Variants in NPHP4 observed in about 807,000 individuals in gnomAD.
NPHP4 encodes the protein nephrocystin-4.
NPHP4 carries 151 observed loss-of-function variants against 155.8 expected under a neutral mutation model. The ratio of observed to expected loss-of-function variants is 0.97; its 90% confidence interval spans 0.85 to 1.11. The LOEUF (loss-of-function observed/expected upper bound fraction) is 1.11. Ranked by LOEUF, NPHP4 falls within the 50% of genes least tolerant of loss-of-function variation. NPHP4 has a pLI of 0.00. For synonymous variants in NPHP4, 845 were observed against 816.8 expected (o/e 1.03, Z -0.59); for missense variants, 1,956 against 1,925.7 (o/e 1.02, Z -0.29).
intron 22 of NPHP4, 70 bp from the exon 23 acceptor site, chr1:5,873,405 G>C: frequency 7.9e-7 from 1 of 1,259,390 alleles, no homozygotes; most frequent in Non-Finnish European, 1.2e-6. Context: ...TGTGCTTAGA[G>C]ACACCACTGC....
At chr1:5,981,005 T>C (rs1275454926) in intron 2 of NPHP4, among the ~76,000 whole-genome samples, 2 of 152,178 alleles carry the variant, frequency 1.3e-5, no homozygotes, top group Admixed American at 6.5e-5. Flanking sequence ...GGCTTTTCCA[T>C]GTTGACTGTC....
At chr1:5,879,405 C>A (rs1642973250) in intron 19 of NPHP4, 3 of 408,400 alleles carry the variant, frequency 7.3e-6, no homozygotes, top group South Asian at 5.7e-5. Context: ...TTTCACCAAA[C>A]CCAGGTCTTC....
chr1:5,957,584 T>C (rs1167147965), intron 6 of NPHP4, among the ~76,000 whole-genome samples: 1 of 139,974 alleles, frequency 7.1e-6, no homozygotes, highest in Non-Finnish European at 1.6e-5. Flanking sequence ...GGATATTTAA[T>C]TCAGCAGAAT....
At chr1:5,911,934 T>C (rs1482497411) in intron 11 of NPHP4, among the ~76,000 whole-genome samples, 1 of 151,918 alleles carries the variant, frequency 6.6e-6, no homozygotes, top group Admixed American at 6.6e-5. Context: ...CACGGTGGAG[T>C]CTGGGAAGCC....
Position 5,863,919 on chromosome 1 carries a change from GCT to G in NPHP4, c.4109_4110del (p.Glu1370AlafsTer26). On this transcript the variant is annotated frameshift_variant, in exon 29 of 30. Transcript: ENST00000378156. LOFTEE classifies it high-confidence loss of function. ...AAGGAGTCCTCTCTGAACCGCAGCA[GCT>G]CCGGGTGGTCGCTGTGCAGGTGGAA... ...RTFHLHSDHPELLRFREDSFQ... is the reference protein window; with the variant it reads ...RTFHLHSDHPXLLRFREDSFQ... 1 of 1,613,990 alleles carries G rather than the reference GCT, an allele frequency of 6.2e-7. No homozygotes were observed. The highest frequency in any genetic ancestry group is 8.5e-7 in the Non-Finnish European group (1 of 1,179,876).
In NPHP4 at chr1:5,927,742, C is replaced by T. The variant is rs1412516298; in HGVS notation, c.1348G>A (p.Gly450Ser). The T allele has an allele frequency of 1.2e-6, 2 of 1,613,414 alleles. No homozygotes were observed. The highest frequency in any genetic ancestry group is 1.7e-6 in the Non-Finnish European group (2 of 1,179,482). The change falls in exon 11 of 30, where the codon GGC becomes AGC. Residue 450 changes from glycine (G) to serine (S), a missense_variant. Coordinates refer to ENST00000378156, the MANE Select transcript of NPHP4 (RefSeq NM_015102.5). Reference sequence around the variant, plus strand: ...GGTGCATCCAGGTGTTCTTCTGAGCCCAGCGAGAACTGGAACCGGAGTGTA... The same window carrying T: ...GGTGCATCCAGGTGTTCTTCTGAGCTCAGCGAGAACTGGAACCGGAGTGTA... ...SGTLRFQFSL[G>S]SEEHLDAPTE...
At position 5,978,285 on chromosome 1, in the gene NPHP4, C is replaced by A. The variant is rs1184787946; in HGVS notation, c.264G>T (p.Arg88Ser). Residue 88 changes from arginine (R) to serine (S), a missense_variant, in exon 3 of 30, where the codon AGG becomes AGT. Coordinates refer to ENST00000378156, the MANE Select transcript of NPHP4 (RefSeq NM_015102.5). ...TVKPTKRPPS[R>S]IVFNEPLYFH... ...CAGGGCCCACCTCATTAAAGACGAT[C>A]CTGGACGGCGGTCTCTTCGTCGGCT... 6.2e-6 allele frequency: 10 copies of A among 1,607,420 alleles called. No homozygotes were observed. Among genetic ancestry groups the A allele is most frequent in the Non-Finnish European group, 7.6e-6 (9 of 1,177,298 alleles).
intron 1 of NPHP4, among the ~76,000 whole-genome samples, chr1:5,987,473 A>G (rs1323277605): frequency 6.6e-6 from 1 of 152,064 alleles, no homozygotes; most frequent in East Asian, 1.9e-4. Context: ...ATGGTGGGGC[A>G]GAGGCAGCAG....
intron 11 of NPHP4, among the ~76,000 whole-genome samples, chr1:5,913,550 C>T (rs1288509543): frequency 6.6e-6 from 1 of 152,242 alleles, no homozygotes; most frequent in Non-Finnish European, 1.5e-5. Flanking sequence ...TCAACTACAG[C>T]ACAGGCCTCA....
chr1:5,985,110 T>A (rs940604050), intron 2 of NPHP4, among the ~76,000 whole-genome samples: 2 of 152,230 alleles, frequency 1.3e-5, no homozygotes, highest in Non-Finnish European at 2.9e-5. Context: ...ATCCAAGGGC[T>A]TGGAATTGAA....
chr1:5,914,257 C>CAAAA (rs575438284), intron 11 of NPHP4, among the ~76,000 whole-genome samples: 1,919 of 47,276 alleles, frequency 0.041, 325 homozygotes, highest in East Asian at 0.086. Context: ...CTTATCTATA[C>CAAAA]AAAAAAAAAA....
At chr1:5,916,346 T>C (rs1196734387) in intron 11 of NPHP4, among the ~76,000 whole-genome samples, 1 of 152,168 alleles carries the variant, frequency 6.6e-6, no homozygotes, top group East Asian at 1.9e-4. Flanking sequence ...GTTGGTGAAA[T>C]ACTGAAGTAT....
intron 3 of NPHP4, among the ~76,000 whole-genome samples, chr1:5,974,223 T>C (rs1653107746): frequency 6.6e-6 from 1 of 152,202 alleles, no homozygotes; most frequent in African/African-American, 2.4e-5. Context: ...CCCAATCACC[T>C]GCATCCCTCT....
intron 2 of NPHP4, among the ~76,000 whole-genome samples, chr1:5,985,945 T>C (rs1359733961): frequency 6.6e-6 from 1 of 152,162 alleles, no homozygotes; most frequent in South Asian, 2.1e-4. Flanking sequence ...CTAACACAAA[T>C]CCTATTTTTA....
chr1:5,893,122 T>C lies in NPHP4; in HGVS notation c.2144-2094A>G, dbSNP rs565485971. ...GACAGAAAAAACAACTTTTCAAGTG[T>C]ATTTGGAACATTAATAAAAACGAAC... is the stretch of plus-strand genomic sequence containing the variant. On this transcript the variant is annotated intron_variant, in intron 16 of 29. Transcript: ENST00000378156. Among the ~76,000 whole-genome samples, 17 of 152,230 alleles carry C rather than the reference T, an allele frequency of 1.1e-4. No homozygotes were observed. In the South Asian group the frequency reaches 2.5e-3, roughly 22 times the overall value.
intron 2 of NPHP4, among the ~76,000 whole-genome samples, chr1:5,979,567 T>G (rs2102387155): frequency 6.6e-6 from 1 of 152,240 alleles, no homozygotes. Flanking sequence ...GAAAAGGGTC[T>G]CGTCTGTCAC....
intron 2 of NPHP4, 44 bp from the exon 3 acceptor site, chr1:5,978,457 T>C (rs1250381103): frequency 1.3e-6 from 2 of 1,573,574 alleles, no homozygotes; most frequent in African/African-American, 1.4e-5. Context: ...CTGAGCACCA[T>C]GAGCCAGGAG....
rs1647071594 is a variant in NPHP4, at chr1:5,945,967, A to C, written c.1119+1137T>G. The stretch of plus-strand genomic sequence containing the variant: ...TCCACACTGTAGACACCACCCACCC[A>C]TTGCAGTTGAGAGGTAGAGAGAGAG... On this transcript the variant is annotated intron_variant, in intron 9 of 29. Coordinates refer to ENST00000378156, the MANE Select transcript of NPHP4 (RefSeq NM_015102.5). Among the ~76,000 whole-genome samples the C allele has an allele frequency of 2.6e-5, 4 of 152,134 alleles. No homozygotes were observed. The South Asian group carries it at 8.3e-4, about 32-fold the overall frequency.
chr1:5,967,451 C>G, intron 4 of NPHP4, 88 bp from the exon 5 acceptor site: 1 of 991,186 alleles, frequency 1.0e-6, no homozygotes, highest in South Asian at 1.4e-5. Flanking sequence ...ACCACCACGC[C>G]CACTAGAGCT....
Sources: gnomAD v4.1 joint callset for allele counts (sites outside exome capture counted in the v4.1 genomes callset) on GRCh38, gnomAD v4.1.1 for gene constraint, MANE v1.5 for transcripts, NCBI Gene and HGNC (gene_info 2026-07-23, HGNC 2026-07-21) for gene names.